The following SLC8A1 variants were observed in gnomAD, a reference collection of about 807,000 sequenced individuals.
SLC8A1 encodes the protein sodium/calcium exchanger 1.
A neutral mutation model predicts 68.3 loss-of-function variants in SLC8A1; 18 were observed. The ratio of observed to expected loss-of-function variants is 0.26; its 90% CI spans 0.18 to 0.39. SLC8A1 has a LOEUF of 0.39. Among genes scored for constraint, SLC8A1 ranks in the 10% least tolerant of loss-of-function variants. SLC8A1 has a pLI of 1.00. For missense variants in SLC8A1, 985 were observed against 1,156.7 expected, an observed-to-expected ratio of 0.85 and a Z score of 2.15; for synonymous variants, 475 against 415.5, an observed-to-expected ratio of 1.14 and a Z score of -1.74.
intron 2 of SLC8A1, among the ~76,000 whole-genome samples, chr2:40,371,597 T>C (rs1345143689): frequency 6.6e-6 from 1 of 152,168 alleles, no homozygotes; most frequent in Non-Finnish European, 1.5e-5. Flanking sequence ...CATAGTCAAC[T>C]TGCACATAGT....
At chr2:40,506,104 CT>C (rs34231209) in intron 1 of SLC8A1, among the ~76,000 whole-genome samples, 81,028 of 132,042 alleles carry the variant, frequency 0.61, 24,645 homozygotes, top group Non-Finnish European at 0.71. Context: ...TTCATAGATC[CT>C]TTTTTTTTTT....
At chr2:40,287,110 G>C (rs1334691713) in intron 2 of SLC8A1, among the ~76,000 whole-genome samples, 2 of 152,138 alleles carry the variant, frequency 1.3e-5, no homozygotes, top group Admixed American at 6.5e-5. Flanking sequence ...CACTCAGCTT[G>C]TCTGTCTGGC....
intron 2 of SLC8A1, among the ~76,000 whole-genome samples, chr2:40,183,552 C>T (rs1020110711): frequency 3.3e-5 from 5 of 152,188 alleles, no homozygotes; most frequent in African/African-American, 7.2e-5. Context: ...TCAGCCTCAC[C>T]TAAAGTGGGG....
chr2:40,419,583 A>G (rs2149737814), intron 2 of SLC8A1, among the ~76,000 whole-genome samples: 1 of 151,952 alleles, frequency 6.6e-6, no homozygotes, highest in African/African-American at 2.4e-5. Flanking sequence ...TCTCTCTGTC[A>G]GGTGATATAC....
At chr2:40,237,708 G>A (rs2148939008) in intron 2 of SLC8A1, among the ~76,000 whole-genome samples, 1 of 152,026 alleles carries the variant, frequency 6.6e-6, no homozygotes, top group East Asian at 1.9e-4. Context: ...CAGTTTTTCT[G>A]TTCTGTTTTT....
At chr2:40,277,143 A>G (rs554624151) in intron 2 of SLC8A1, among the ~76,000 whole-genome samples, 487 of 152,352 alleles carry the variant, frequency 3.2e-3, no homozygotes, top group African/African-American at 0.011. Context: ...GTTTATACTT[A>G]TAATAACACA....
Position 40,263,105 on chromosome 2 carries a change from G to T in SLC8A1, c.1809-85250C>A, listed in dbSNP as rs958977350. On this transcript the variant is annotated intron_variant, in intron 2 of 7. Coordinates refer to ENST00000406785, the Ensembl canonical transcript of SLC8A1. ...TACATTTTGAAAAACCTACAGAGCA[G>T]AGTGAAAAGCATGGGCTGAGCAGTC... is the stretch of plus-strand genomic sequence containing the variant. 8.5e-5 allele frequency among the ~76,000 whole-genome samples: 13 copies of T among 152,348 alleles called. No individual in the cohort carries two copies. The East Asian group carries it at 1.4e-3, about 16-fold the overall frequency.
At chr2:40,164,294 A>C (rs1320371438) in intron 5 of SLC8A1, among the ~76,000 whole-genome samples, 1 of 152,230 alleles carries the variant, frequency 6.6e-6, no homozygotes, top group Non-Finnish European at 1.5e-5. Context: ...CAATTTTATC[A>C]GCTCAACTGT....
At chr2:40,429,375 A>T (rs768609095) in exon 2 of SLC8A1, 1 of 1,613,766 alleles carries the variant, frequency 6.2e-7, no homozygotes, top group Non-Finnish European at 8.5e-7. Flanking sequence ...CATCTAAGAA[A>T]TTTTCAACAT....
rs532720110 is a variant in SLC8A1 at position 40,495,486 on chromosome 2, G to A, written c.-25+16863C>T. On this transcript the variant is annotated intron_variant, in intron 1 of 7. Coordinates refer to the SLC8A1 transcript ENST00000402441. ...CCTTATGTTTTCATCAGATGAGAATGACTAGGACAATTTAAGTAAAATTGA... is the reference window on the plus strand; with the variant it reads ...CCTTATGTTTTCATCAGATGAGAATAACTAGGACAATTTAAGTAAAATTGA... Among the ~76,000 whole-genome samples the A allele has an allele frequency of 4.6e-5, 7 of 152,082 alleles. No individual in the cohort carries two copies. The East Asian group carries it at 7.8e-4, about 17-fold the overall frequency.
intron 2 of SLC8A1, among the ~76,000 whole-genome samples, chr2:40,361,618 C>A (rs917081276): frequency 3.9e-5 from 6 of 152,028 alleles, no homozygotes; most frequent in Admixed American, 1.3e-4. Context: ...GTGGTCTAAT[C>A]TGTAGGGTAC....
exon 8 of SLC8A1, chr2:40,103,950 T>G (rs1455894551): frequency 1.3e-5 from 2 of 152,204 alleles, no homozygotes; most frequent in Non-Finnish European, 2.9e-5. Context: ...AGGGAAACAC[T>G]GACCATACGG....
At chr2:40,485,673 AT>A (rs1241085914) in intron 1 of SLC8A1, among the ~76,000 whole-genome samples, 1 of 152,118 alleles carries the variant, frequency 6.6e-6, no homozygotes, top group Non-Finnish European at 1.5e-5. Context: ...ACTCTTAAAT[AT>A]TTTATTCATT....
intron 2 of SLC8A1, among the ~76,000 whole-genome samples, chr2:40,327,111 T>C (rs1378431092): frequency 1.3e-5 from 2 of 152,354 alleles, no homozygotes; most frequent in African/African-American, 4.8e-5. Context: ...ATAATTTTAA[T>C]TTATTCCCTT....
intron 6 of SLC8A1, among the ~76,000 whole-genome samples, chr2:40,151,958 T>G (rs559533357): frequency 1.1e-4 from 17 of 152,336 alleles, no homozygotes; most frequent in African/African-American, 3.4e-4. Context: ...ACTTTAAGAT[T>G]TACTTTGTGA....
chr2:40,168,069 T>G lies in SLC8A1; in HGVS notation c.1931-3085A>C, dbSNP rs1265249962. Among the ~76,000 whole-genome samples the G allele has an allele frequency of 2.0e-5, 3 of 152,176 alleles. No homozygotes were observed. The East Asian group carries it at 5.8e-4, about 29-fold the overall frequency. ...CCATACAAAACGGATCATTTTTTCA[T>G]TGAGCACATCTCATTGTACTCCATA... On this transcript the variant is annotated intron_variant, in intron 4 of 7. Coordinates refer to ENST00000406785, the Ensembl canonical transcript of SLC8A1.
At chr2:40,453,767 T>C (rs1217217251), upstream of SLC8A1, among the ~76,000 whole-genome samples, 1 of 152,198 alleles carries the variant, frequency 6.6e-6, no homozygotes, top group Non-Finnish European at 1.5e-5. Flanking sequence ...GCAGATTCTT[T>C]TTCAATAGAC....
At chr2:40,255,528 C>T (rs1034862036) in intron 2 of SLC8A1, among the ~76,000 whole-genome samples, 1 of 152,178 alleles carries the variant, frequency 6.6e-6, no homozygotes, top group Non-Finnish European at 1.5e-5. Flanking sequence ...GACTAAGTGT[C>T]AGGAAACCTC....
At chr2:40,442,007 G>A (rs187245999) in intron 1 of SLC8A1, among the ~76,000 whole-genome samples, 71 of 138,266 alleles carry the variant, frequency 5.1e-4, no homozygotes, top group Middle Eastern at 4.2e-3. Context: ...CATTTGGGTT[G>A]GTTCCAAGTC....
Sources: allele counts gnomAD v4.1 joint callset (sites outside exome capture counted in the v4.1 genomes callset), GRCh38; gene constraint gnomAD v4.1.1; transcripts MANE v1.5; gene names NCBI Gene and HGNC (gene_info 2026-07-23, HGNC 2026-07-21).